The following PCMT1 variants were observed in gnomAD, a reference collection of about 807,000 sequenced individuals.
PCMT1 encodes protein-L-isoaspartate(D-aspartate) O-methyltransferase.
Under a neutral mutation model 29.2 loss-of-function variants are expected in PCMT1, and 9 were observed. The observed-to-expected ratio is 0.31, with a 90% CI of 0.19 to 0.54. The LOEUF is 0.54. Among genes scored for constraint, PCMT1 ranks in the 20% least tolerant of loss-of-function variants. The probability of loss-of-function intolerance (pLI) is 0.95; values close to 1 mark genes in which losing one functional copy is unlikely to be tolerated. For synonymous variants in PCMT1, 98 were observed against 97.5 expected, an observed-to-expected ratio of 1.00 and a Z score of -0.03; for missense variants, 184 against 282.2, an observed-to-expected ratio of 0.65 and a Z score of 2.49.
intron 1 of PCMT1, among the ~76,000 whole-genome samples, chr6:149,754,535 GT>G (rs1786443833): frequency 6.6e-6 from 1 of 152,182 alleles, no homozygotes. Context: ...TTTGTGGGAT[GT>G]TAACTTAATG....
intron 3 of PCMT1, among the ~76,000 whole-genome samples, chr6:149,787,624 A>G (rs1788176397): frequency 6.6e-6 from 1 of 152,036 alleles, no homozygotes; most frequent in Admixed American, 6.6e-5. Flanking sequence ...CGGCCTCTCA[A>G]AGTGCTGGGA....
intron 7 of PCMT1, among the ~76,000 whole-genome samples, chr6:149,809,551 T>G (rs1403584818): frequency 6.6e-6 from 1 of 152,128 alleles, no homozygotes; most frequent in Non-Finnish European, 1.5e-5. Flanking sequence ...TTAAAAATAT[T>G]TTCTTGCACA....
intron 3 of PCMT1, among the ~76,000 whole-genome samples, chr6:149,785,387 A>G (rs1419027885): frequency 1.9e-5 from 2 of 107,332 alleles, no homozygotes; most frequent in African/African-American, 7.3e-5. Context: ...TAAATGTGGT[A>G]TGTTTATTCA....
At position 149,810,825 on chromosome 6, in the gene PCMT1, A is replaced by T. The variant is rs935846903; in HGVS notation, c.*247A>T. 43 of 479,490 alleles carry T rather than the reference A, an allele frequency of 9.0e-5. No homozygotes were observed. Among genetic ancestry groups the T allele is most frequent in the Non-Finnish European group, 1.1e-4 (31 of 271,376 alleles). 29.7% of individuals were successfully genotyped at this position (479,490 alleles called of 1,614,324 possible). ...GCCAAATTGGTAGAGGAAGGATGCA[A>T]AGTATAAATTTGTGTAATATTACTT... On this transcript the variant is annotated 3_prime_UTR_variant, in exon 8 of 8. Coordinates refer to ENST00000464889, the MANE Select transcript of PCMT1 (RefSeq NM_001360452.2).
At chr6:149,793,102 G>A (rs1009931298) in intron 4 of PCMT1, among the ~76,000 whole-genome samples, 2 of 151,410 alleles carry the variant, frequency 1.3e-5, no homozygotes, top group Non-Finnish European at 2.9e-5. Flanking sequence ...GGCAGAGGTT[G>A]CAGTGAGCTG....
chr6:149,756,226 T>C (rs1786497978), intron 1 of PCMT1, among the ~76,000 whole-genome samples: 1 of 152,202 alleles, frequency 6.6e-6, no homozygotes, highest in Non-Finnish European at 1.5e-5. Context: ...ATGCAAGAAT[T>C]ATGATTTGTA....
chr6:149,796,732 T>C (rs1006374941), intron 6 of PCMT1: 10 of 388,058 alleles, frequency 2.6e-5, no homozygotes, highest in African/African-American at 2.1e-4. Flanking sequence ...AGGTAAGAAC[T>C]AGGACAACAG....
At chr6:149,793,162 CAAA>C (rs59087711) in intron 4 of PCMT1, among the ~76,000 whole-genome samples, 267 of 129,888 alleles carry the variant, frequency 2.1e-3, no homozygotes, top group African/African-American at 4.6e-3. Context: ...GACTCTCTCT[CAAA>C]AAAAAAAAAA....
chr6:149,775,430 G>A (rs2115264347), intron 3 of PCMT1, among the ~76,000 whole-genome samples: 2 of 152,298 alleles, frequency 1.3e-5, no homozygotes, highest in Middle Eastern at 3.4e-3. Flanking sequence ...TTGGCTGTGT[G>A]TGGTGGCTCA....
rs544866807 is a variant in PCMT1 at position 149,750,249 on chromosome 6, A to G, written c.55+293A>G. Reference sequence around the variant, plus strand: ...TGGGGGAGGGAGTGCAGTACAGGTGATGCTGCTGTCACTCAGGTCCGCGTC... The same window carrying G: ...TGGGGGAGGGAGTGCAGTACAGGTGGTGCTGCTGTCACTCAGGTCCGCGTC... On this transcript the variant is annotated intron_variant, in intron 1 of 7. Coordinates refer to ENST00000464889, the MANE Select transcript of PCMT1 (RefSeq NM_001360452.2). 4.1e-4 allele frequency: 174 copies of G among 427,226 alleles called. 2 individuals carry two copies. Among genetic ancestry groups the G allele is most frequent in the African/African-American group, 3.2e-3 (161 of 49,592 alleles). The allele number at this position is 427,226 out of a possible 1,614,324, so 26.5% of individuals were successfully genotyped here.
Position 149,749,948 on chromosome 6 carries a change from A to G in PCMT1, c.47A>G (p.Asn16Ser). ...GCCAGCCACTCGGAGCTAATCCACA[A>G]TCTCCGCAGTAAGTGCCACCTCCGC... ...GGASHSELIH[N>S]LRKNGIIKTD... Residue 16 changes from asparagine to serine, a missense_variant, in exon 1 of 8, where the codon AAT (asparagine) becomes AGT (serine). Coordinates refer to ENST00000464889, the MANE Select transcript of PCMT1 (RefSeq NM_001360452.2). The G allele has an allele frequency of 1.2e-6, 2 of 1,610,716 alleles. No individual in the cohort carries two copies. The highest frequency in any genetic ancestry group is 2.2e-5 in the East Asian group (1 of 44,774).
At chr6:149,771,875 A>C (rs1787340127) in intron 2 of PCMT1, 1 of 407,498 alleles carries the variant, frequency 2.5e-6, no homozygotes, top group African/African-American at 2.1e-5. Context: ...AGTTTTCTTT[A>C]GGGGCCTTAG....
intron 1 of PCMT1, among the ~76,000 whole-genome samples, chr6:149,763,154 A>G (rs1388491921): frequency 1.7e-5 from 1 of 58,748 alleles, no homozygotes; most frequent in Non-Finnish European, 2.5e-5. Context: ...TATCTATGAT[A>G]TATATCTATG....
intron 5 of PCMT1, chr6:149,795,218 C>G: frequency 2.7e-6 from 1 of 372,748 alleles, no homozygotes; most frequent in Non-Finnish European, 5.1e-6. Context: ...GAAATGTTAA[C>G]TTCTCCAACA....
At chr6:149,772,211 G>A (rs1379776513) in intron 2 of PCMT1, 4 of 391,774 alleles carry the variant, frequency 1.0e-5, no homozygotes, top group African/African-American at 4.2e-5. Flanking sequence ...TGCTACCACC[G>A]CTCAGTGAAA....
intron 1 of PCMT1, chr6:149,765,582 T>A: frequency 4.0e-6 from 1 of 249,648 alleles, no homozygotes; most frequent in South Asian, 4.2e-5. Flanking sequence ...TTGCTAATTT[T>A]AAAAAATATT....
intron 1 of PCMT1, among the ~76,000 whole-genome samples, chr6:149,763,141 A>G (rs1277405581): frequency 4.2e-5 from 3 of 72,152 alleles, no homozygotes; most frequent in Non-Finnish European, 6.1e-5. Flanking sequence ...TATATGATAT[A>G]TATATCTATG....
At chr6:149,787,701 A>G (rs971990282) in intron 3 of PCMT1, among the ~76,000 whole-genome samples, 1 of 152,056 alleles carries the variant, frequency 6.6e-6, no homozygotes. Flanking sequence ...TCTGACTTAC[A>G]GAAATATTAT....
intron 3 of PCMT1, among the ~76,000 whole-genome samples, chr6:149,779,742 G>A (rs1787738345): frequency 6.6e-6 from 1 of 151,966 alleles, no homozygotes. Flanking sequence ...CCTGGGGAGG[G>A]TGCAGGTTGC....
Sources: gnomAD v4.1 joint callset for allele counts (sites outside exome capture counted in the v4.1 genomes callset) on GRCh38, gnomAD v4.1.1 for gene constraint, MANE v1.5 for transcripts, NCBI Gene and HGNC (gene_info 2026-07-23, HGNC 2026-07-21) for gene names.